The following FSHR variants were observed in gnomAD, a reference collection of about 807,000 sequenced individuals.
FSHR encodes follicle stimulating hormone receptor.
Under a neutral mutation model 52.1 loss-of-function variants are expected in FSHR, and 46 were observed. The ratio of observed to expected loss-of-function variants is 0.88; its 90% CI spans 0.70 to 1.13. The LOEUF (loss-of-function observed/expected upper bound fraction) is 1.13. Among genes scored for constraint, FSHR ranks in the 50% most tolerant of loss-of-function variants. The pLI, the probability that FSHR is intolerant of heterozygous loss-of-function variation, is 0.00. For missense variants in FSHR, 964 were observed against 834.6 expected (o/e 1.16, Z -1.91); for synonymous variants, 399 against 309.6 (o/e 1.29, Z -3.03).
intron 4 of FSHR, among the ~76,000 whole-genome samples, chr2:49,012,563 C>A (rs1158555919): frequency 6.6e-6 from 1 of 152,132 alleles, no homozygotes; most frequent in East Asian, 1.9e-4. Flanking sequence ...TTTTAAGTAC[C>A]CGTATGCAGA....
chr2:49,127,793 CTTCTTCTTCTTCTTCTTCT>C (rs1672075658), intron 1 of FSHR, among the ~76,000 whole-genome samples: 1 of 54,672 alleles, frequency 1.8e-5, no homozygotes. Context: ...TCTTCTTCTT[CTTCTTCTTCTTCTTCTTCT>C]TCTTCTTCTT....
intron 1 of FSHR, among the ~76,000 whole-genome samples, chr2:49,120,518 A>G (rs1671775092): frequency 6.6e-6 from 1 of 152,222 alleles, no homozygotes; most frequent in Non-Finnish European, 1.5e-5. Context: ...GTATTGATAC[A>G]GTGATATAAT....
chr2:49,104,280 G>T (rs1281648663), intron 1 of FSHR, among the ~76,000 whole-genome samples: 1 of 152,132 alleles, frequency 6.6e-6, no homozygotes, highest in Non-Finnish European at 1.5e-5. Context: ...TTTCTGGTCA[G>T]CCATTGCCAC....
At chr2:49,086,286 C>T (rs984768021) in intron 1 of FSHR, among the ~76,000 whole-genome samples, 1 of 152,102 alleles carries the variant, frequency 6.6e-6, no homozygotes, top group Non-Finnish European at 1.5e-5. Context: ...TGTGAGAGTT[C>T]ATCTAAAATT....
chr2:49,007,859 A>C (rs1308590262), intron 4 of FSHR, among the ~76,000 whole-genome samples: 1 of 152,086 alleles, frequency 6.6e-6, no homozygotes, highest in Non-Finnish European at 1.5e-5. Flanking sequence ...AAAATGTAGG[A>C]ATTATTATAA....
At chr2:49,133,354 G>A (rs1347848283) in intron 1 of FSHR, among the ~76,000 whole-genome samples, 1 of 152,106 alleles carries the variant, frequency 6.6e-6, no homozygotes, top group Non-Finnish European at 1.5e-5. Context: ...TGTCAGGAGA[G>A]TGAAGTTATA....
At chr2:49,129,329 T>G (rs1672178630) in intron 1 of FSHR, among the ~76,000 whole-genome samples, 1 of 152,170 alleles carries the variant, frequency 6.6e-6, no homozygotes, top group South Asian at 2.1e-4. Flanking sequence ...CTATTTAGTT[T>G]CTAGTCAGTA....
chr2:49,123,028 C>T (rs984923761), intron 1 of FSHR, among the ~76,000 whole-genome samples: 4 of 152,196 alleles, frequency 2.6e-5, no homozygotes, highest in Non-Finnish European at 4.4e-5. Context: ...TATCCTTCCT[C>T]GCCTCCTTCC....
chr2:49,060,436 G>A (rs1428812927), intron 2 of FSHR, among the ~76,000 whole-genome samples: 1 of 152,072 alleles, frequency 6.6e-6, no homozygotes, highest in East Asian at 1.9e-4. Flanking sequence ...TTGAAACTGT[G>A]CCCTGCATCC....
rs1674267263 is a variant in FSHR, at chr2:48,962,492, A to G, written c.*241T>C. 1 of 506,920 alleles carries G rather than the reference A, an allele frequency of 2.0e-6. No homozygotes were observed. Among genetic ancestry groups the G allele is most frequent in the East Asian group, 3.7e-5 (1 of 26,978 alleles). The allele number at this position is 506,920 out of a possible 1,614,324, so 31.4% of individuals were successfully genotyped here. On this transcript the variant is annotated 3_prime_UTR_variant, in exon 10 of 10. Transcript: ENST00000406846. Reference sequence around the variant, plus strand: ...TGAACATAACGTGCAAAAATAACATATATAAGGATAAAATATGTAATACAG... The same window carrying G: ...TGAACATAACGTGCAAAAATAACATGTATAAGGATAAAATATGTAATACAG...
intron 4 of FSHR, among the ~76,000 whole-genome samples, chr2:49,002,764 T>A (rs1666948827): frequency 6.6e-6 from 1 of 152,056 alleles, no homozygotes; most frequent in Non-Finnish European, 1.5e-5. Flanking sequence ...CCAGACCATA[T>A]CACCCCGGGA....
rs1161580088 is a variant in FSHR at position 48,963,404 on chromosome 2, G to A, written c.1417C>T (p.His473Tyr). The A allele has an allele frequency of 3.7e-6, 6 of 1,613,984 alleles. No homozygotes were observed. ...ITLERWHTIT[H>Y]AMQLDCKVQL... ...ACCTTGCAGTCCAGCTGCATGGCAT[G>A]CGTGATGGTATGCCATCTTTCCAAG... The change falls in exon 10 of 10, where the codon CAT becomes TAT. Residue 473 changes from histidine (H) to tyrosine (Y), a missense_variant. His to Tyr is a moderately conservative substitution (Grantham distance 83). Transcript: ENST00000406846.
Position 49,020,045 on chromosome 2 carries a change from C to G in FSHR, c.299+41G>C, listed in dbSNP as rs756972314. ...TGTAGAAGAACTTTAAGGGTTTTTT[C>G]AAGAATGGCCATGAGCAAATCCCCC... On this transcript the variant is annotated intron_variant, in intron 3 of 9. Coordinates refer to ENST00000406846, the MANE Select transcript of FSHR (RefSeq NM_000145.4). 9 of 1,559,494 alleles carry G rather than the reference C, an allele frequency of 5.8e-6. No individual in the cohort carries two copies. The Admixed American group carries it at 1.3e-4, about 23-fold the overall frequency.
chr2:49,148,005 T>C (rs1243003806), intron 1 of FSHR, among the ~76,000 whole-genome samples: 1 of 151,932 alleles, frequency 6.6e-6, no homozygotes, highest in Non-Finnish European at 1.5e-5. Context: ...ACTACGACAA[T>C]CAAAGTACAT....
intron 2 of FSHR, among the ~76,000 whole-genome samples, chr2:49,031,133 T>TA (rs1668085079): frequency 6.6e-6 from 1 of 152,150 alleles, no homozygotes; most frequent in Non-Finnish European, 1.5e-5. Context: ...AATAAAAACT[T>TA]AGAGAGTAGC....
At chr2:49,011,946 G>A (rs1330980952) in intron 4 of FSHR, among the ~76,000 whole-genome samples, 1 of 152,106 alleles carries the variant, frequency 6.6e-6, no homozygotes, top group Non-Finnish European at 1.5e-5. Context: ...CTGAGGGTTG[G>A]GAAAGAAACA....
In FSHR at chr2:49,154,367, TC is replaced by T; in HGVS notation, c.50del (p.Gly17AspfsTer21). 1 of 1,613,442 alleles carries T rather than the reference TC, an allele frequency of 6.2e-7. No homozygotes were observed. Among genetic ancestry groups the T allele is most frequent in the South Asian group, 1.1e-5 (1 of 91,048 alleles). On this transcript the variant is annotated frameshift_variant, in exon 1 of 10. Coordinates refer to ENST00000406846, the MANE Select transcript of FSHR (RefSeq NM_000145.4). LOFTEE classifies it high-confidence loss of function. Reference protein sequence around the residue: ...SLLAFLSLGSGCHHRICHCSN... With the variant: ...SLLAFLSLGSXCHHRICHCSN... ...AGCAGTGACAGATCCGATGATGACATCCTGAGCCCAAGCTCAGGAATGCCAG... is the reference window on the plus strand; with the variant it reads ...AGCAGTGACAGATCCGATGATGACATCTGAGCCCAAGCTCAGGAATGCCAG...
intron 9 of FSHR, among the ~76,000 whole-genome samples, chr2:48,964,491 T>C (rs1419219361): frequency 6.6e-6 from 1 of 152,182 alleles, no homozygotes; most frequent in Admixed American, 6.5e-5. Context: ...CCTGGCTCTT[T>C]GGTACTCAGG....
intron 3 of FSHR, among the ~76,000 whole-genome samples, chr2:49,018,025 G>A (rs1178964358): frequency 2.6e-5 from 4 of 152,134 alleles, no homozygotes; most frequent in African/African-American, 9.7e-5. Flanking sequence ...TGGAAAAGAG[G>A]TGAAAAGAAG....
Sources: allele counts gnomAD v4.1 joint callset (sites outside exome capture counted in the v4.1 genomes callset), GRCh38; gene constraint gnomAD v4.1.1; transcripts MANE v1.5; gene names NCBI Gene and HGNC (gene_info 2026-07-23, HGNC 2026-07-21).